Variants in ZNF773 observed in about 807,000 individuals in gnomAD.
ZNF773 encodes zinc finger protein 419B.
ZNF773 carries 11 observed loss-of-function variants against 12.8 expected under a neutral mutation model. That is an observed-to-expected ratio of 0.86 (90% CI 0.54 to 1.42). The LOEUF (loss-of-function observed/expected upper bound fraction) is 1.42. Ranked by LOEUF, ZNF773 falls within the 40% of genes most tolerant of loss-of-function variation. ZNF773 has a pLI of 0.00. For missense variants in ZNF773, 518 were observed against 527.2 expected (o/e 0.98, Z 0.17); for synonymous variants, 175 against 178.4 (o/e 0.98, Z 0.15).
At chr19:57,501,698 A>G (rs1046376442) in intron 1 of ZNF773, among the ~76,000 whole-genome samples, 4 of 152,134 alleles carry the variant, frequency 2.6e-5, no homozygotes, top group Non-Finnish European at 5.9e-5. Flanking sequence ...CTTTGGTAAC[A>G]TCACTGTCTG....
chr19:57,507,408 C>G lies in ZNF773; in HGVS notation c.1313C>G (p.Thr438Ser). 8 of 1,599,808 alleles carry G rather than the reference C, an allele frequency of 5.0e-6. No homozygotes were observed. The highest frequency in any genetic ancestry group is 6.8e-6 in the Non-Finnish European group (8 of 1,174,322). ...SSLVKHRRIHTGEIQ is the reference protein window; with the variant it reads ...SSLVKHRRIHSGEIQ Reference sequence around the variant, plus strand: ...CTTGTTAAACATCGAAGGATTCACACTGGAGAAATACAATGATTGTGAGAA... The same window carrying G: ...CTTGTTAAACATCGAAGGATTCACAGTGGAGAAATACAATGATTGTGAGAA... The change falls in exon 4 of 4, where the codon ACT (threonine) becomes AGT (serine). Residue 438 changes from threonine (T) to serine (S), a missense_variant. By Grantham distance (58) the Thr-to-Ser change is moderately conservative. Transcript: ENST00000282292.
chr19:57,509,693 AAATC>A (rs1466052866), downstream of ZNF773, among the ~76,000 whole-genome samples: 6 of 152,356 alleles, frequency 3.9e-5, no homozygotes, highest in East Asian at 3.9e-4. Flanking sequence ...CACTGGGTGA[AAATC>A]AAAGTGTTGG....
At chr19:57,512,945 A>C (rs2089806972), downstream of ZNF773, 1 of 1,433,654 alleles carries the variant, frequency 7.0e-7, no homozygotes, top group Non-Finnish European at 9.2e-7. Context: ...TGTTCCCTAG[A>C]AGCAAGGAGC....
At chr19:57,512,256 A>G (rs940082258), downstream of ZNF773, among the ~76,000 whole-genome samples, 12 of 152,196 alleles carry the variant, frequency 7.9e-5, no homozygotes, top group Admixed American at 7.2e-4. Context: ...GCATAATACA[A>G]AATATATGTA....
chr19:57,514,149 C>T (rs961993187), downstream of ZNF773: 3 of 152,228 alleles, frequency 2.0e-5, no homozygotes, highest in East Asian at 1.9e-4. Flanking sequence ...TCAAATCTTA[C>T]ATCAGTTATT....
At chr19:57,513,864 A>G (rs2089815414), downstream of ZNF773, 1 of 152,196 alleles carries the variant, frequency 6.6e-6, no homozygotes, top group Admixed American at 6.5e-5. Context: ...GGCATTTCCA[A>G]GAGACTGGCC....
downstream of ZNF773, among the ~76,000 whole-genome samples, chr19:57,510,155 A>T (rs1306333824): frequency 1.3e-5 from 2 of 152,220 alleles, no homozygotes; most frequent in Non-Finnish European, 2.9e-5. Context: ...CTAAAACAAA[A>T]CAAAAAGACA....
At position 57,507,798 on chromosome 19, in the gene ZNF773, C is replaced by A; in HGVS notation, c.*374C>A. On this transcript the variant is annotated 3_prime_UTR_variant, in exon 4 of 4. Coordinates refer to ENST00000282292, the MANE Select transcript of ZNF773 (RefSeq NM_198542.3). ...AACCATCCTGGTTAACACAATGAAA[C>A]CACATCTCTACTAAAAATACAAAAA... 1 of 738,284 alleles carries A rather than the reference C, an allele frequency of 1.4e-6. No homozygotes were observed. The highest frequency in any genetic ancestry group is 1.9e-5 in the African/African-American group (1 of 52,434). The allele number at this position is 738,284 out of a possible 1,614,324, so 45.7% of individuals were successfully genotyped here. A position where few individuals can be genotyped will look rare whatever the true frequency, so the allele number is the denominator to read the frequency against.
In ZNF773 at chr19:57,504,732, A is replaced by T; in HGVS notation, c.109A>T (p.Arg37Trp). 6.2e-7 allele frequency: 1 copy of T among 1,613,830 alleles called. No individual in the cohort carries two copies. The highest frequency in any genetic ancestry group is 1.1e-5 in the South Asian group (1 of 91,050). ...EEWRLLDDAQ[R>W]LLYRNVMLEN... is the part of the protein sequence containing the mutation. ...ATGGAGATTGCTTGATGACGCTCAG[A>T]GGCTCCTCTACCGCAATGTGATGCT... Residue 37 changes from arginine (R) to tryptophan (W), a missense_variant, in exon 2 of 4, where the codon AGG (arginine) becomes TGG (tryptophan). By Grantham distance (101) the Arg-to-Trp change is moderately radical. Transcript: ENST00000282292.
rs777925694 is a variant in ZNF773 at position 57,506,993 on chromosome 19, G to A, written c.898G>A (p.Val300Ile). 5.0e-6 allele frequency: 8 copies of A among 1,614,234 alleles called. No homozygotes were observed. The highest frequency in any genetic ancestry group is 3.4e-6 in the Non-Finnish European group (4 of 1,180,050). The part of the protein sequence containing the change: ...LVQHHRIHTG[V>I]RPYECSECGK... ...TCAGCATCACAGAATCCACACTGGA[G>A]TAAGGCCTTATGAGTGCAGTGAATG... is the stretch of plus-strand genomic sequence containing the variant. Residue 300 changes from valine (V) to isoleucine (I), a missense_variant, in exon 4 of 4, where the codon GTA becomes ATA. Val to Ile is a conservative substitution (Grantham distance 29). Coordinates refer to ENST00000282292, the MANE Select transcript of ZNF773 (RefSeq NM_198542.3).
chr19:57,512,521 A>G (rs540500937), downstream of ZNF773, among the ~76,000 whole-genome samples: 3 of 149,490 alleles, frequency 2.0e-5, no homozygotes, highest in Non-Finnish European at 4.4e-5. Context: ...CTCCTGTCTC[A>G]GTCTCCTGAG....
chr19:57,513,119 C>A, downstream of ZNF773: 1 of 1,441,936 alleles, frequency 6.9e-7, no homozygotes, highest in Admixed American at 2.6e-5. Flanking sequence ...GAATGAGAAA[C>A]CCCAGGACAA....
chr19:57,500,183 G>T, intron 1 of ZNF773, 70 bp downstream of exon 1: 2 of 1,531,710 alleles, frequency 1.3e-6, no homozygotes, highest in East Asian at 2.5e-5. Context: ...TCAGGTCCCC[G>T]GGTGCAGAAC....
downstream of ZNF773, chr19:57,517,319 AT>A (rs1320669843): frequency 6.6e-6 from 1 of 152,142 alleles, no homozygotes; most frequent in Non-Finnish European, 1.5e-5. Context: ...TGGATTATAG[AT>A]TCCTGTAAAT....
At chr19:57,511,090 C>T (rs1426713872), downstream of ZNF773, among the ~76,000 whole-genome samples, 1 of 150,498 alleles carries the variant, frequency 6.6e-6, no homozygotes, top group East Asian at 1.9e-4. Flanking sequence ...TTCGCTGTCA[C>T]CCAGGCTAGC....
downstream of ZNF773, chr19:57,513,263 T>A: frequency 2.1e-6 from 1 of 469,080 alleles, no homozygotes. Flanking sequence ...AAGGTTTACT[T>A]AAACAATCTG....
At chr19:57,508,596 A>G (rs1286954781), downstream of ZNF773, 1 of 698,152 alleles carries the variant, frequency 1.4e-6, no homozygotes, top group South Asian at 1.5e-5. Flanking sequence ...AAATTTTAAG[A>G]ACTTGCCAAA....
Position 57,506,562 on chromosome 19 carries a change from T to C in ZNF773, c.467T>C (p.Leu156Pro). The C allele has an allele frequency of 6.2e-7, 1 of 1,614,202 alleles. No homozygotes were observed. The highest frequency in any genetic ancestry group is 8.5e-7 in the Non-Finnish European group (1 of 1,180,032). ...CAAAGCAGGGAAGTTGGGAAGGATC[T>C]TCTGACCAGCTCAGGTGTTCTCAAG... The part of the protein sequence containing the change: ...SLQSREVGKD[L>P]LTSSGVLKHQ... The change falls in exon 4 of 4, where the codon CTT becomes CCT. Residue 156 changes from leucine to proline, a missense_variant. By Grantham distance (98) the Leu-to-Pro change is moderately conservative. Coordinates refer to ENST00000282292, the MANE Select transcript of ZNF773 (RefSeq NM_198542.3).
At chr19:57,510,493 G>A (rs1276110759), downstream of ZNF773, among the ~76,000 whole-genome samples, 2 of 152,094 alleles carry the variant, frequency 1.3e-5, no homozygotes, top group East Asian at 3.9e-4. Context: ...ACATAAATAT[G>A]TCAACATTTA....
Sources: allele counts gnomAD v4.1 joint callset (sites outside exome capture counted in the v4.1 genomes callset), GRCh38; gene constraint gnomAD v4.1.1; transcripts MANE v1.5; gene names NCBI Gene and HGNC (gene_info 2026-07-23, HGNC 2026-07-21).